The following DLG2 variants were observed in gnomAD, a reference collection of about 807,000 sequenced individuals.
DLG2 encodes discs large MAGUK scaffold protein 2.
In DLG2, 45 loss-of-function variants were observed where a neutral mutation model predicts 132.5. The observed-to-expected ratio is 0.34, with a 90% CI of 0.27 to 0.44. The LOEUF (loss-of-function observed/expected upper bound fraction) is 0.44, where lower values mean the gene tolerates loss of function less well. Ranked by LOEUF, DLG2 falls within the 20% of genes least tolerant of loss-of-function variation. DLG2 has a pLI of 1.00. For synonymous variants in DLG2, 424 were observed against 419.6 expected (o/e 1.01, Z -0.13); for missense variants, 1,045 against 1,196.9 (o/e 0.87, Z 1.87).
At chr11:84,800,748 T>C (rs2075267077) in intron 6 of DLG2, 1 of 152,230 alleles carries the variant, frequency 6.6e-6, no homozygotes, top group South Asian at 2.1e-4. Context: ...CTAGTTGATA[T>C]GACTATATTA....
intron 19 of DLG2, among the ~76,000 whole-genome samples, chr11:83,546,487 CGACAATGGGAT>C (rs1339631449): frequency 6.6e-6 from 1 of 152,048 alleles, no homozygotes; most frequent in Non-Finnish European, 1.5e-5. Flanking sequence ...TGCGGAGATA[CGACAATGGGAT>C]GACACATGTA....
Position 85,467,730 on chromosome 11 carries a change from T to G in DLG2, c.40+130927A>C, listed in dbSNP as rs1472167738. 2.0e-5 allele frequency among the ~76,000 whole-genome samples: 3 copies of G among 152,158 alleles called. No individual in the cohort carries two copies. The East Asian group carries it at 5.8e-4, about 29-fold the overall frequency. On this transcript the variant is annotated intron_variant, in intron 3 of 27. Coordinates refer to ENST00000376104, the MANE Select transcript of DLG2 (RefSeq NM_001142699.3). ...AGTTTGCCAGTATTTTATTGAGGAT[T>G]TTTGCATCGATGTTCATCAGGGATA...
chr11:84,711,446 C>CCATTATCACG (rs2060443040), intron 6 of DLG2, among the ~76,000 whole-genome samples: 2 of 134,210 alleles, frequency 1.5e-5, no homozygotes, highest in African/African-American at 5.4e-5. Context: ...GAATTGGTTC[C>CCATTATCACG]CATTATCACG....
chr11:84,791,376 G>T (rs572267776), intron 6 of DLG2, among the ~76,000 whole-genome samples: 1 of 152,296 alleles, frequency 6.6e-6, no homozygotes, highest in South Asian at 2.1e-4. Context: ...GTCAGGTAAT[G>T]TGATTCCTCC....
At chr11:85,398,951 A>C (rs986237925) in intron 3 of DLG2, among the ~76,000 whole-genome samples, 1 of 152,142 alleles carries the variant, frequency 6.6e-6, no homozygotes, top group Non-Finnish European at 1.5e-5. Context: ...AGGAGAAGGA[A>C]ATAAAGGGTA....
intron 19 of DLG2, among the ~76,000 whole-genome samples, chr11:83,552,014 G>C (rs571331): frequency 6.6e-6 from 1 of 151,952 alleles, no homozygotes; most frequent in Non-Finnish European, 1.5e-5. Flanking sequence ...AGCATTTACT[G>C]TATGTCAGTG....
chr11:84,256,332 G>A (rs2097469290), intron 7 of DLG2, among the ~76,000 whole-genome samples: 1 of 152,154 alleles, frequency 6.6e-6, no homozygotes, highest in South Asian at 2.1e-4. Flanking sequence ...CTCAAGCAAG[G>A]TATTGGCAGG....
chr11:84,846,114 T>A (rs77844336), intron 6 of DLG2, among the ~76,000 whole-genome samples: 30 of 152,248 alleles, frequency 2.0e-4, no homozygotes, highest in African/African-American at 7.2e-4. Flanking sequence ...TTCAAGGTGA[T>A]CTCATCTAGA....
At chr11:84,648,438 C>G (rs569072170) in intron 6 of DLG2, among the ~76,000 whole-genome samples, 1 of 152,168 alleles carries the variant, frequency 6.6e-6, no homozygotes, top group Non-Finnish European at 1.5e-5. Flanking sequence ...AAATTGAAAT[C>G]TAAGGGGAAG....
At chr11:84,527,893 T>TTCTCTCTCCC (rs2099326320) in intron 7 of DLG2, among the ~76,000 whole-genome samples, 10 of 125,666 alleles carry the variant, frequency 8.0e-5, no homozygotes, top group Non-Finnish European at 5.0e-5. Flanking sequence ...CTCCCTCCCT[T>TTCTCTCTCCC]TCTCTCTCTC....
intron 3 of DLG2, among the ~76,000 whole-genome samples, chr11:85,351,503 A>C (rs2083284281): frequency 6.6e-6 from 1 of 152,200 alleles, no homozygotes; most frequent in African/African-American, 2.4e-5. Context: ...TTCAAAGGGA[A>C]TGCTTCCAGT....
intron 19 of DLG2, among the ~76,000 whole-genome samples, chr11:83,578,072 G>T (rs372251677): frequency 2.5e-5 from 2 of 80,838 alleles, no homozygotes; most frequent in Admixed American, 1.6e-4. Flanking sequence ...ATATATATAT[G>T]TATACACACA....
At chr11:84,976,346 T>C (rs2054903525) in intron 6 of DLG2, among the ~76,000 whole-genome samples, 1 of 152,122 alleles carries the variant, frequency 6.6e-6, no homozygotes, top group South Asian at 2.1e-4. Context: ...GGGTATGCTG[T>C]ACCCACGACT....
chr11:84,648,505 T>C (rs2154546141), intron 6 of DLG2, among the ~76,000 whole-genome samples: 1 of 152,262 alleles, frequency 6.6e-6, no homozygotes, highest in East Asian at 1.9e-4. Flanking sequence ...TCCGTTATAG[T>C]TTGGATGTTT....
intron 6 of DLG2, among the ~76,000 whole-genome samples, chr11:84,813,426 A>G (rs1287412649): frequency 6.6e-6 from 1 of 152,134 alleles, no homozygotes; most frequent in African/African-American, 2.4e-5. Flanking sequence ...CCTCCCAACC[A>G]CAAAGATACC....
chr11:84,766,827 A>G (rs894406405), intron 6 of DLG2, among the ~76,000 whole-genome samples: 11 of 152,126 alleles, frequency 7.2e-5, no homozygotes, highest in African/African-American at 2.7e-4. Flanking sequence ...AGATGCTTAT[A>G]GTATGGGAAA....
Position 84,695,491 on chromosome 11 carries a change from C to T in DLG2, c.358-160760G>A, listed in dbSNP as rs1239367113. On this transcript the variant is annotated intron_variant, in intron 6 of 27. Coordinates refer to ENST00000376104, the MANE Select transcript of DLG2 (RefSeq NM_001142699.3). ...GCATGCACTTTTTAAAAATTACAGA[C>T]AGAACTGAAGTCATCACTGAAAGAA... is the stretch of plus-strand genomic sequence containing the variant. Among the ~76,000 whole-genome samples, 11 of 151,594 alleles carry T rather than the reference C, an allele frequency of 7.3e-5. No homozygotes were observed. In the East Asian group the frequency reaches 2.1e-3, roughly 29 times the overall value.
rs368921122 is a variant in DLG2, at chr11:84,715,157, C to G, written c.358-180426G>C. On this transcript the variant is annotated intron_variant, in intron 6 of 27. Transcript: ENST00000376104. The stretch of plus-strand genomic sequence containing the variant: ...ATATATAAAAACAATATTGAAGATA[C>G]CTGATGTGTCCTACGGGCTTCACAG... Among the ~76,000 whole-genome samples the G allele has an allele frequency of 2.6e-5, 4 of 152,194 alleles. No homozygotes were observed. In the East Asian group the frequency reaches 5.8e-4, roughly 22 times the overall value.
chr11:84,838,563 C>T (rs1414805262), intron 6 of DLG2, among the ~76,000 whole-genome samples: 1 of 151,914 alleles, frequency 6.6e-6, no homozygotes, highest in Non-Finnish European at 1.5e-5. Flanking sequence ...TAAAGGTGCA[C>T]ATACCTAGTG....
Sources: gnomAD v4.1 joint callset for allele counts (sites outside exome capture counted in the v4.1 genomes callset) on GRCh38, gnomAD v4.1.1 for gene constraint, MANE v1.5 for transcripts, NCBI Gene and HGNC (gene_info 2026-07-23, HGNC 2026-07-21) for gene names.